Variants in KCTD2 observed in about 807,000 individuals in gnomAD.
KCTD2 encodes BTB/POZ domain-containing protein KCTD2.
In KCTD2, 18 loss-of-function variants were observed where a neutral mutation model predicts 27.9. The observed-to-expected ratio is 0.64, with a 90% confidence interval of 0.45 to 0.96. The LOEUF (loss-of-function observed/expected upper bound fraction) is 0.96. Ranked by LOEUF, KCTD2 falls within the 40% of genes least tolerant of loss-of-function variation. KCTD2 has a pLI of 0.00. For synonymous variants in KCTD2, 175 were observed against 148.4 expected (o/e 1.18, Z -1.30); for missense variants, 280 against 348.0 (o/e 0.80, Z 1.56).
intron 3 of KCTD2, among the ~76,000 whole-genome samples, chr17:75,058,490 C>T (rs1305212308): frequency 2.0e-5 from 3 of 149,532 alleles, no homozygotes; most frequent in Non-Finnish European, 3.0e-5. Flanking sequence ...GGCAACAGAG[C>T]GAGACTCCAT....
At chr17:75,053,905 C>T (rs749501271) in intron 3 of KCTD2, among the ~76,000 whole-genome samples, 2 of 134,872 alleles carry the variant, frequency 1.5e-5, no homozygotes, top group Non-Finnish European at 3.1e-5. Context: ...CTCACTCTCT[C>T]CCCCAGGCTG....
intron 3 of KCTD2, chr17:75,038,963 T>C: frequency 6.2e-7 from 1 of 1,614,148 alleles, no homozygotes. Flanking sequence ...GTGAGGCCAA[T>C]AGGGATACTT....
chr17:75,033,486 TTA>T (rs1480358300), intron 1 of KCTD2, among the ~76,000 whole-genome samples: 3 of 152,158 alleles, frequency 2.0e-5, no homozygotes, highest in African/African-American at 7.2e-5. Context: ...TTTTCAGTGT[TTA>T]TGTTTCAATA....
At position 75,063,125 on chromosome 17, in the gene KCTD2, C is replaced by A; in HGVS notation, c.*78C>A. On this transcript the variant is annotated 3_prime_UTR_variant, in exon 6 of 6. Transcript: ENST00000322444. ...CTGTGAAGTGAAACCTCACTCCTGT[C>A]CAGTGACCGAGCCACTGCAAAGCAC... 7.3e-7 allele frequency: 1 copy of A among 1,366,384 alleles called. No individual in the cohort carries two copies. The highest frequency in any genetic ancestry group is 1.0e-6 in the Non-Finnish European group (1 of 963,606). The allele number at this position is 1,366,384 out of a possible 1,614,324, so 84.6% of individuals were successfully genotyped here.
intron 3 of KCTD2, among the ~76,000 whole-genome samples, chr17:75,057,134 A>T (rs1037909751): frequency 2.6e-5 from 4 of 151,612 alleles, no homozygotes; most frequent in African/African-American, 9.7e-5. Context: ...TTGTATTTTT[A>T]GTAGAGACAG....
At chr17:75,062,084 G>C in intron 4 of KCTD2, 36 bp from the exon 5 acceptor site, 2 of 1,612,214 alleles carry the variant, frequency 1.2e-6, no homozygotes, top group Non-Finnish European at 1.7e-6. Flanking sequence ...TGTTAAGATT[G>C]CCACATGAAT....
upstream of KCTD2, among the ~76,000 whole-genome samples, chr17:75,044,216 T>A (rs1487154457): frequency 0.015 from 1,190 of 78,526 alleles, 168 homozygotes; most frequent in African/African-American, 0.11. Context: ...TTTTTTTTTT[T>A]GAGACGGAGT....
intron 3 of KCTD2, among the ~76,000 whole-genome samples, chr17:75,037,853 T>C (rs960846907): frequency 2.0e-5 from 3 of 151,926 alleles, no homozygotes; most frequent in African/African-American, 2.4e-5. Flanking sequence ...ATCGAGACCA[T>C]CCTGGCTAAC....
chr17:75,055,681 A>T (rs1416561283), intron 3 of KCTD2, among the ~76,000 whole-genome samples: 2 of 151,962 alleles, frequency 1.3e-5, no homozygotes, highest in Admixed American at 1.3e-4. Context: ...TAAAAATACA[A>T]AAGTAGCTGG....
intron 2 of KCTD2, among the ~76,000 whole-genome samples, chr17:75,051,364 G>A (rs1413723871): frequency 7.4e-6 from 1 of 134,348 alleles, no homozygotes; most frequent in African/African-American, 2.9e-5. Flanking sequence ...AGCTCACTGC[G>A]ACATCCACCT....
Position 75,064,239 on chromosome 17 carries a change from C to G in KCTD2, c.*1192C>G, listed in dbSNP as rs900631838. On this transcript the variant is annotated 3_prime_UTR_variant, in exon 6 of 6. Transcript: ENST00000322444. ...GGCAGCACCCTCTTTCGGGCTGCATCCACAGAGTTTGTGTCCACACTTTCT... is the reference window on the plus strand; with the variant it reads ...GGCAGCACCCTCTTTCGGGCTGCATGCACAGAGTTTGTGTCCACACTTTCT... The G allele has an allele frequency of 2.0e-5, 3 of 152,280 alleles. No homozygotes were observed. Among genetic ancestry groups the G allele is most frequent in the African/African-American group, 7.2e-5 (3 of 41,458 alleles). 9.4% of individuals were successfully genotyped at this position (152,280 alleles called of 1,614,324 possible).
At chr17:75,056,952 C>CTTTTTTTTTTTTTTTTTTTTTTTT (rs35875644) in intron 3 of KCTD2, among the ~76,000 whole-genome samples, 25 of 107,990 alleles carry the variant, frequency 2.3e-4, no homozygotes, top group African/African-American at 6.5e-4. Flanking sequence ...TTTCTTTTTT[C>CTTTTTTTTTTTTTTTTTTTTTTTT]TTTTTTTTTT....
intron 2 of KCTD2, among the ~76,000 whole-genome samples, chr17:75,034,518 A>C (rs1012189374): frequency 1.3e-5 from 2 of 152,172 alleles, no homozygotes; most frequent in Admixed American, 6.5e-5. Flanking sequence ...TAAGACGCTA[A>C]ACCCACGTGC....
upstream of KCTD2, among the ~76,000 whole-genome samples, chr17:75,045,304 G>A (rs1240538468): frequency 1.3e-5 from 2 of 152,210 alleles, no homozygotes; most frequent in South Asian, 2.1e-4. Flanking sequence ...GGACCAGAGC[G>A]AAATTAAAAT....
upstream of KCTD2, chr17:75,042,267 A>C (rs1299151053): frequency 6.2e-7 from 1 of 1,614,092 alleles, no homozygotes. Context: ...TTCTCAGGTA[A>C]AGCAGCCAAC....
chr17:75,056,835 C>T (rs1048516702), intron 3 of KCTD2, among the ~76,000 whole-genome samples: 10 of 152,106 alleles, frequency 6.6e-5, no homozygotes, highest in African/African-American at 2.2e-4. Context: ...CTCACACATG[C>T]AGGATTCAAG....
At chr17:75,052,088 G>C (rs2073294227) in intron 2 of KCTD2, among the ~76,000 whole-genome samples, 1 of 151,950 alleles carries the variant, frequency 6.6e-6, no homozygotes, top group African/African-American at 2.4e-5. Context: ...AACATGACTA[G>C]TTCCAGGAAC....
intron 3 of KCTD2, chr17:75,059,225 A>G (rs995276150): frequency 2.2e-5 from 5 of 223,548 alleles, no homozygotes; most frequent in Admixed American, 1.7e-4. Flanking sequence ...TCTGAAGTTC[A>G]GAATTATTTT....
At chr17:75,035,800 T>C (rs974858834) in intron 3 of KCTD2, among the ~76,000 whole-genome samples, 12 of 152,096 alleles carry the variant, frequency 7.9e-5, no homozygotes, top group African/African-American at 2.9e-4. Flanking sequence ...GCCACTGCAC[T>C]CCAGCCTGGG....
Sources: gnomAD v4.1 joint callset for allele counts (sites outside exome capture counted in the v4.1 genomes callset) on GRCh38, gnomAD v4.1.1 for gene constraint, MANE v1.5 for transcripts, NCBI Gene and HGNC (gene_info 2026-07-23, HGNC 2026-07-21) for gene names.